The following DLGAP1 variants were observed in gnomAD, a reference collection of about 807,000 sequenced individuals.
DLGAP1 encodes the protein DLG associated protein 1.
Under a neutral mutation model 90.8 loss-of-function variants are expected in DLGAP1, and 11 were observed. The ratio of observed to expected loss-of-function variants is 0.12; its 90% CI spans 0.08 to 0.20. The LOEUF (loss-of-function observed/expected upper bound fraction) is 0.20. Among genes scored for constraint, DLGAP1 ranks in the 10% least tolerant of loss-of-function variants. DLGAP1 has a pLI of 1.00. For missense variants in DLGAP1, 1,050 were observed against 1,333.8 expected (o/e 0.79, Z 3.31); for synonymous variants, 558 against 540.7 (o/e 1.03, Z -0.44).
chr18:4,255,897 A>G (rs1453624757), intron 1 of DLGAP1, among the ~76,000 whole-genome samples: 1 of 152,194 alleles, frequency 6.6e-6, no homozygotes, highest in Non-Finnish European at 1.5e-5. Flanking sequence ...AGGAAATTCA[A>G]TATCAATCAT....
intron 8 of DLGAP1, among the ~76,000 whole-genome samples, chr18:3,572,527 G>C (rs2054871736): frequency 6.6e-6 from 1 of 151,708 alleles, no homozygotes; most frequent in Non-Finnish European, 1.5e-5. Context: ...AGCTCACTAA[G>C]CAACCTCCAC....
chr18:3,871,928 A>T (rs112370125), intron 4 of DLGAP1, among the ~76,000 whole-genome samples: 15 of 152,348 alleles, frequency 9.8e-5, no homozygotes, highest in African/African-American at 3.1e-4. Flanking sequence ...ATTCTGCTTC[A>T]TAGACAGTTC....
At chr18:4,169,719 T>G (rs1398364824) in intron 1 of DLGAP1, among the ~76,000 whole-genome samples, 1 of 152,212 alleles carries the variant, frequency 6.6e-6, no homozygotes, top group Admixed American at 6.5e-5. Flanking sequence ...ACGTTCTACT[T>G]GTATAAATTA....
intron 11 of DLGAP1, among the ~76,000 whole-genome samples, chr18:3,504,415 G>A (rs759163037): frequency 7.9e-5 from 12 of 151,960 alleles, no homozygotes; most frequent in Admixed American, 4.6e-4. Flanking sequence ...ACATAGCGTC[G>A]CTCTTGTCGC....
chr18:3,688,614 GAC>G (rs60415611), intron 7 of DLGAP1, among the ~76,000 whole-genome samples: 1,031 of 100,702 alleles, frequency 0.01, 5 homozygotes, highest in Admixed American at 0.026. Context: ...ATTAAAAAAA[GAC>G]ACACACACAC....
At chr18:3,978,167 C>G (rs2073639716) in intron 3 of DLGAP1, 1 of 439,986 alleles carries the variant, frequency 2.3e-6, no homozygotes. Flanking sequence ...GGGGGCAAAG[C>G]CCTTGGTGGC....
At chr18:4,396,178 C>G (rs1034880870) in intron 1 of DLGAP1, among the ~76,000 whole-genome samples, 12 of 152,154 alleles carry the variant, frequency 7.9e-5, no homozygotes, top group Non-Finnish European at 2.9e-5. Context: ...AATCCCCAGT[C>G]CGAGGAAGAA....
chr18:3,845,718 G>T, intron 4 of DLGAP1: 1 of 527,804 alleles, frequency 1.9e-6, no homozygotes, highest in Non-Finnish European at 2.4e-6. Context: ...CTTGCAGCTT[G>T]CTAAAAGAAG....
intron 1 of DLGAP1, among the ~76,000 whole-genome samples, chr18:4,330,983 T>C (rs1015175573): frequency 6.6e-6 from 1 of 151,912 alleles, no homozygotes; most frequent in Non-Finnish European, 1.5e-5. Flanking sequence ...TCTTTGTAGC[T>C]CTATCAAGTT....
At chr18:3,639,832 G>A (rs2058865955) in intron 7 of DLGAP1, among the ~76,000 whole-genome samples, 1 of 136,874 alleles carries the variant, frequency 7.3e-6, no homozygotes, top group Admixed American at 7.5e-5. Flanking sequence ...TCGGCTCACT[G>A]CAAGCTCCGC....
intron 2 of DLGAP1, among the ~76,000 whole-genome samples, chr18:4,148,196 C>T (rs566858421): frequency 6.6e-6 from 1 of 152,178 alleles, no homozygotes; most frequent in South Asian, 2.1e-4. Context: ...TTGCTCTAGA[C>T]CAATCTGTGT....
intron 1 of DLGAP1, among the ~76,000 whole-genome samples, chr18:4,245,110 G>A (rs1191354265): frequency 6.6e-6 from 1 of 152,136 alleles, no homozygotes; most frequent in Non-Finnish European, 1.5e-5. Context: ...TACGTTGTTA[G>A]CTGCTACTGG....
chr18:3,739,560 G>A (rs936330710), intron 6 of DLGAP1, among the ~76,000 whole-genome samples: 3 of 146,978 alleles, frequency 2.0e-5, no homozygotes, highest in South Asian at 2.2e-4. Flanking sequence ...CTCACTCATA[G>A]GTGGGAATTG....
chr18:4,036,900 A>G (rs2074897076), intron 2 of DLGAP1, among the ~76,000 whole-genome samples: 1 of 152,256 alleles, frequency 6.6e-6, no homozygotes, highest in Non-Finnish European at 1.5e-5. Context: ...AGTATATTCT[A>G]TCCTTCAAAC....
chr18:4,413,216 A>C (rs2082819640), intron 1 of DLGAP1, among the ~76,000 whole-genome samples: 1 of 152,120 alleles, frequency 6.6e-6, no homozygotes, highest in Non-Finnish European at 1.5e-5. Context: ...AAAGGACATG[A>C]GGAGGAGCAG....
chr18:4,154,259 TAG>T (rs1291525998), intron 1 of DLGAP1, among the ~76,000 whole-genome samples: 12 of 150,972 alleles, frequency 7.9e-5, no homozygotes, highest in Admixed American at 7.9e-4. Flanking sequence ...CTCGTAGAGA[TAG>T]AGTCTCTCCA....
At chr18:4,120,446 C>T (rs2144101917) in intron 2 of DLGAP1, among the ~76,000 whole-genome samples, 1 of 152,250 alleles carries the variant, frequency 6.6e-6, no homozygotes, top group African/African-American at 2.4e-5. Context: ...CTTTTCATAA[C>T]CATTGTCCAC....
chr18:3,903,614 A>G (rs563283607), intron 3 of DLGAP1, among the ~76,000 whole-genome samples: 9 of 152,286 alleles, frequency 5.9e-5, no homozygotes, highest in African/African-American at 1.9e-4. Context: ...ACCACAAACA[A>G]TAAGAGCCAT....
In DLGAP1 at chr18:3,552,992, C is replaced by G. The variant is rs73940036; in HGVS notation, c.2057+14498G>C. On this transcript the variant is annotated intron_variant, in intron 9 of 12. Transcript: ENST00000315677. ...TTTTTTTTTTCTCTCTTGTTCTCTT[C>G]CTCCTTGGGAGTTAATGCCAAAACA... Among the ~76,000 whole-genome samples the G allele has an allele frequency of 8.9e-3, 1,348 of 151,826 alleles. 26 individuals are homozygous for G. The highest frequency in any genetic ancestry group is 0.031 in the African/African-American group (1,295 of 41,360).
Sources: gnomAD v4.1 joint callset for allele counts (sites outside exome capture counted in the v4.1 genomes callset) on GRCh38, gnomAD v4.1.1 for gene constraint, MANE v1.5 for transcripts, NCBI Gene and HGNC (gene_info 2026-07-23, HGNC 2026-07-21) for gene names.